The following ACSL4 variants were observed in gnomAD, a reference collection of about 807,000 sequenced individuals.
ACSL4 encodes the protein long-chain-fatty-acid--CoA ligase 4.
ACSL4 carries 9 observed loss-of-function variants against 49.1 expected under a neutral mutation model. The observed-to-expected ratio is 0.18, with a 90% CI of 0.11 to 0.32. ACSL4 has a LOEUF of 0.32. Ranked by LOEUF, ACSL4 falls within the 10% of genes least tolerant of loss-of-function variation. ACSL4 has a pLI of 1.00. For synonymous variants in ACSL4, 191 were observed against 170.3 expected (o/e 1.12, Z -0.95); for missense variants, 333 against 493.7 (o/e 0.67, Z 3.08).
intron 1 of ACSL4, among the ~76,000 whole-genome samples, chrX:109,721,475 T>C (rs940563047): frequency 8.9e-6 from 1 of 112,234 alleles, no homozygotes; most frequent in African/African-American, 3.2e-5. Flanking sequence ...CTCATGCCTA[T>C]AATCCCAGCA....
chrX:109,685,194 A>C (rs1270564570), intron 2 of ACSL4, among the ~76,000 whole-genome samples: 1 of 106,866 alleles, frequency 9.4e-6, no homozygotes, highest in Non-Finnish European at 1.9e-5. Context: ...CCGGACTCAA[A>C]AGATCCTCCC....
intron 9 of ACSL4, among the ~76,000 whole-genome samples, chrX:109,673,770 T>C (rs1198967997): frequency 8.9e-6 from 1 of 112,260 alleles, no homozygotes; most frequent in African/African-American, 3.2e-5. Flanking sequence ...ATAGTCTTTC[T>C]GAAGTTTCTG....
chrX:109,681,150 A>G lies in ACSL4; in HGVS notation c.517-14T>C. The stretch of plus-strand genomic sequence containing the variant: ...TAACAATGCAGTCTGTTGAGCAGAA[A>G]GAAAAAAAAACAGCTATTAAACTTA... On this transcript the variant is annotated splice_polypyrimidine_tract_variant and intron_variant, in intron 5 of 15. Coordinates refer to ENST00000672401, the MANE Select transcript of ACSL4 (RefSeq NM_001318510.2). 1 of 1,208,763 alleles carries G rather than the reference A, an allele frequency of 8.3e-7. No homozygotes were observed. The highest frequency in any genetic ancestry group is 1.8e-5 in the African/African-American group (1 of 56,762).
At chrX:109,667,545 AAAG>A (rs1457955508) in intron 11 of ACSL4, among the ~76,000 whole-genome samples, 1 of 112,411 alleles carries the variant, frequency 8.9e-6, no homozygotes, top group Non-Finnish European at 1.9e-5. Context: ...TCATTTAGAG[AAAG>A]AAGACTAAAG....
At chrX:109,657,118 C>T (rs1275620083) in intron 15 of ACSL4, among the ~76,000 whole-genome samples, 3 of 111,738 alleles carry the variant, frequency 2.7e-5, no homozygotes, top group African/African-American at 6.5e-5. Context: ...CAATTATCCC[C>T]GAGTCTATAG....
At chrX:109,663,722 A>T (rs1603401947) in intron 12 of ACSL4, among the ~76,000 whole-genome samples, 1 of 111,404 alleles carries the variant, frequency 9.0e-6, no homozygotes, top group African/African-American at 3.3e-5. Flanking sequence ...CAGGAAGAGT[A>T]ACACTTGAAG....
chrX:109,713,865 A>G (rs1343355466), intron 1 of ACSL4, among the ~76,000 whole-genome samples: 2 of 112,467 alleles, frequency 1.8e-5, no homozygotes, highest in Non-Finnish European at 3.8e-5. Flanking sequence ...TAAGAATATA[A>G]TGGAGATGAA....
intron 2 of ACSL4, chrX:109,683,708 T>TAAAAACA (rs895788536): frequency 2.9e-6 from 1 of 347,765 alleles, no homozygotes; most frequent in African/African-American, 2.6e-5. Flanking sequence ...GCAGGAAAAA[T>TAAAAACA]AAAAACAAAA....
At chrX:109,650,219 G>C (rs1274417407) in intron 15 of ACSL4, among the ~76,000 whole-genome samples, 23 of 111,189 alleles carry the variant, frequency 2.1e-4, no homozygotes, top group Admixed American at 7.7e-4. Flanking sequence ...TATAAAGACA[G>C]ATGCACACAT....
intron 1 of ACSL4, among the ~76,000 whole-genome samples, chrX:109,705,599 C>T (rs1274121374): frequency 8.9e-6 from 1 of 112,294 alleles, no homozygotes; most frequent in Non-Finnish European, 1.9e-5. Context: ...ATTTTTTTAA[C>T]CACAAACCCA....
At chrX:109,657,191 C>A (rs1921737686) in intron 15 of ACSL4, among the ~76,000 whole-genome samples, 1 of 111,712 alleles carries the variant, frequency 9.0e-6, no homozygotes, top group African/African-American at 3.3e-5. Flanking sequence ...GACATTTTAA[C>A]TTTGATTATC....
chrX:109,706,440 G>C (rs780432749), intron 1 of ACSL4, among the ~76,000 whole-genome samples: 4 of 112,287 alleles, frequency 3.6e-5, no homozygotes, highest in African/African-American at 1.3e-4. Context: ...CAGTTACCTA[G>C]AATTAAATTA....
In ACSL4 at chrX:109,683,253, A is replaced by G; in HGVS notation, c.111T>C (p.Thr37=). The G allele has an allele frequency of 1.7e-6, 2 of 1,211,867 alleles. No individual in the cohort carries two copies. The highest frequency in any genetic ancestry group is 2.2e-6 in the Non-Finnish European group (2 of 895,423). ...LAVIDIPGAD[T]LDKLFDHAVS... ...CAGCATGGTCAAATAATTTATCCAG[A>G]GTATCTGCTCCAGGGATGTCTATTA... The change falls in exon 3 of 16, where the codon ACT becomes ACC. Residue 37 remains threonine (T), a synonymous_variant. Coordinates refer to ENST00000672401, the MANE Select transcript of ACSL4 (RefSeq NM_001318510.2).
intron 15 of ACSL4, among the ~76,000 whole-genome samples, chrX:109,645,649 G>C (rs1055137206): frequency 8.9e-6 from 1 of 112,494 alleles, no homozygotes; most frequent in Non-Finnish European, 1.9e-5. Context: ...TTCCTCACCA[G>C]CAACGGAACA....
rs187051434 is a variant in ACSL4 at position 109,708,835 on chromosome X, T to C, written c.-65-12639A>G. Among the ~76,000 whole-genome samples, 6 of 112,113 alleles carry C rather than the reference T, an allele frequency of 5.4e-5. No homozygotes were observed. In the East Asian group the frequency reaches 1.4e-3, roughly 26 times the overall value. On this transcript the variant is annotated intron_variant, in intron 1 of 15. Coordinates refer to ENST00000672401, the MANE Select transcript of ACSL4 (RefSeq NM_001318510.2). ...GGATGCTCAACCAGTCAGTATATAA[T>C]GCAAATATTCCAAAACCTGAAAAAT...
Position 109,657,487 on chromosome X carries a change from G to A in ACSL4, c.1855+1867C>T, listed in dbSNP as rs1334237713. Among the ~76,000 whole-genome samples, 8 of 109,126 alleles carry A rather than the reference G, an allele frequency of 7.3e-5. No homozygotes were observed. The East Asian group carries it at 1.7e-3, about 24-fold the overall frequency. The allele number at this position is 109,126 out of a possible 115,157, so 94.8% of individuals were successfully genotyped here. On this transcript the variant is annotated intron_variant, in intron 15 of 15. Transcript: ENST00000672401. ...GCGGTGTTTGGTTTTTTGTCCTTGC[G>A]ATAGTTTGCTGAGAATGATGGTTTC...
chrX:109,670,442 G>A (rs1421705847), intron 9 of ACSL4, among the ~76,000 whole-genome samples: 5 of 108,992 alleles, frequency 4.6e-5, no homozygotes, highest in South Asian at 4.1e-4. Flanking sequence ...AAAATTAGCC[G>A]GGCGTGGTGG....
intron 2 of ACSL4, among the ~76,000 whole-genome samples, chrX:109,686,197 C>G (rs913555696): frequency 8.9e-6 from 1 of 112,011 alleles, no homozygotes; most frequent in Non-Finnish European, 1.9e-5. Context: ...TTAGCAATAT[C>G]TACCACTCAA....
At chrX:109,702,582 C>T (rs769719435) in intron 1 of ACSL4, among the ~76,000 whole-genome samples, 1 of 112,441 alleles carries the variant, frequency 8.9e-6, no homozygotes, top group East Asian at 2.8e-4. Flanking sequence ...GCACACAGAT[C>T]TTGTTCCAAA....
Sources: gnomAD v4.1 joint callset for allele counts (sites outside exome capture counted in the v4.1 genomes callset) on GRCh38, gnomAD v4.1.1 for gene constraint, MANE v1.5 for transcripts, NCBI Gene and HGNC (gene_info 2026-07-23, HGNC 2026-07-21) for gene names.